TEDC1: variants seen among roughly 807,000 people sequenced by gnomAD.
TEDC1 encodes the protein tubulin epsilon and delta complex protein 1.
TEDC1 carries 54 observed loss-of-function variants against 59.9 expected under a neutral mutation model. That is an observed-to-expected ratio of 0.90 (90% CI 0.72 to 1.13). The LOEUF is 1.13. Ranked by LOEUF, TEDC1 falls within the 50% of genes most tolerant of loss-of-function variation. The probability of loss-of-function intolerance (pLI) is 0.00; values close to 1 mark genes in which losing one functional copy is unlikely to be tolerated. For synonymous variants in TEDC1, 353 were observed against 298.1 expected (o/e 1.18, Z -1.90); for missense variants, 734 against 683.4 (o/e 1.07, Z -0.83).
Position 105,497,869 on chromosome 14 carries a change from C to T in TEDC1, c.1050C>T (p.Val350=). The T allele has an allele frequency of 6.4e-7, 1 of 1,564,056 alleles. No individual in the cohort carries two copies. The highest frequency in any genetic ancestry group is 1.4e-5 in the African/African-American group (1 of 74,052). The change falls in exon 8 of 9, where the codon GTC becomes GTT. Residue 350 remains valine, a synonymous_variant. Coordinates refer to ENST00000392523, the MANE Select transcript of TEDC1 (RefSeq NM_001367178.1). ...CACAGCCCACCTTCCTGCCCTGGGT[C>T]CCCGAGCGCGGGGGTGGCGAGTTGG... The part of the protein sequence containing the change: ...AASQPTFLPW[V]PERGGGELDL...
intron 6 of TEDC1, chr14:105,496,943 T>A: frequency 4.1e-6 from 1 of 244,434 alleles, no homozygotes; most frequent in East Asian, 1.4e-4. Context: ...CCGCCTGCAG[T>A]CCCCGGATAC....
chr14:105,497,298 G>A, intron 6 of TEDC1, 59 bp from the exon 7 acceptor site: 2 of 1,497,346 alleles, frequency 1.3e-6, no homozygotes, highest in South Asian at 1.2e-5. Flanking sequence ...CTGTCCATCC[G>A]ACTGTCTGTC....
chr14:105,493,245 G>A (rs2084258306), intron 4 of TEDC1, among the ~76,000 whole-genome samples: 1 of 152,086 alleles, frequency 6.6e-6, no homozygotes, highest in Admixed American at 6.5e-5. Flanking sequence ...GTCTGTGGCA[G>A]CGGCGGGCTC....
chr14:105,498,312 T>C (rs1221823400), intron 8 of TEDC1, among the ~76,000 whole-genome samples: 1 of 152,176 alleles, frequency 6.6e-6, no homozygotes, highest in Non-Finnish European at 1.5e-5. Context: ...CTGGGACCCG[T>C]CTAACCTCCT....
chr14:105,496,634 C>G (rs1555440497), intron 6 of TEDC1: 1 of 163,758 alleles, frequency 6.1e-6, no homozygotes, highest in African/African-American at 2.4e-5. Flanking sequence ...ATGAGCGAAC[C>G]TGGGAGGCCT....
At chr14:105,497,473 C>T (rs1555440683) in intron 7 of TEDC1, 30 bp downstream of exon 7, 7 of 1,537,508 alleles carry the variant, frequency 4.6e-6, no homozygotes, top group African/African-American at 1.4e-5. Context: ...CCTCTCCCGG[C>T]ATCCCTTCCC....
Position 105,491,496 on chromosome 14 carries a change from C to T in TEDC1, c.121C>T (p.Arg41Cys), listed in dbSNP as rs1555439254. The part of the protein sequence containing the change: ...PSGPSPEIFR[R>C]AKFDRPEATS... The stretch of plus-strand genomic sequence containing the variant: ...GGGACCCAGCCCCGAGATCTTCCGC[C>T]GCGCCAAGTTCGACCGTCCGGAGGC... The change falls in exon 1 of 9, where the codon CGC becomes TGC. Residue 41 changes from arginine to cysteine, a missense_variant. Physicochemically the swap from Arg to Cys is radical, Grantham distance 180 (BLOSUM62 -3). Transcript: ENST00000392523. The T allele has an allele frequency of 6.7e-7, 1 of 1,492,638 alleles. No homozygotes were observed. Among genetic ancestry groups the T allele is most frequent in the Admixed American group, 2.2e-5 (1 of 46,326 alleles). 92.5% of individuals were successfully genotyped at this position (1,492,638 alleles called of 1,614,324 possible). A position where few individuals can be genotyped will look rare whatever the true frequency, so the allele number is the denominator to read the frequency against.
At position 105,491,453 on chromosome 14, in the gene TEDC1, G is replaced by C; in HGVS notation, c.78G>C (p.Leu26Phe). 6.8e-7 allele frequency: 1 copy of C among 1,459,906 alleles called. No individual in the cohort carries two copies. The highest frequency in any genetic ancestry group is 9.0e-7 in the Non-Finnish European group (1 of 1,110,034). 90.4% of individuals were successfully genotyped at this position (1,459,906 alleles called of 1,614,324 possible). The change falls in exon 1 of 9, where the codon TTG becomes TTC. Residue 26 changes from leucine (L) to phenylalanine (F), a missense_variant. Leu to Phe is a conservative substitution (Grantham distance 22). Coordinates refer to ENST00000392523, the MANE Select transcript of TEDC1 (RefSeq NM_001367178.1). Reference sequence around the variant, plus strand: ...CCCTGCCTGAGGCCATCGCCGCGTTGAGTCGGTCGCTGCCCTCGGGACCCA... The same window carrying C: ...CCCTGCCTGAGGCCATCGCCGCGTTCAGTCGGTCGCTGCCCTCGGGACCCA... ...AGALPEAIAALSRSLPSGPSP... is the reference protein window; with the variant it reads ...AGALPEAIAAFSRSLPSGPSP...
At chr14:105,494,849 G>T (rs587688334) in intron 5 of TEDC1, 2 of 146,120 alleles carry the variant, frequency 1.4e-5, no homozygotes, top group African/African-American at 4.9e-5. Flanking sequence ...ATAGGGCAGG[G>T]CTGGCTGCCA....
rs1555441051 is a variant in TEDC1, at chr14:105,498,771, A to G, written c.1313A>G (p.Asp438Gly). The change falls in exon 9 of 9, where the codon GAT becomes GGT. Residue 438 changes from aspartate (D) to glycine (G), a missense_variant. By Grantham distance (94) the Asp-to-Gly change is moderately conservative (BLOSUM62 -1). Transcript: ENST00000392523. ...HGPHRLVRRE[D>G]GAAGDRDLRA... ...CCACACCGGCTGGTGAGACGAGAGG[A>G]TGGGGCAGCAGGGGACCGGGACCTG... 1 of 1,569,156 alleles carries G rather than the reference A, an allele frequency of 6.4e-7. No homozygotes were observed. Among genetic ancestry groups the G allele is most frequent in the Admixed American group, 1.9e-5 (1 of 52,408 alleles).
chr14:105,491,650 G>A lies in TEDC1; in HGVS notation c.176G>A (p.Arg59His). The A allele has an allele frequency of 4.5e-6, 7 of 1,549,568 alleles. No homozygotes were observed. Among genetic ancestry groups the A allele is most frequent in the Admixed American group, 2.0e-5 (1 of 50,984 alleles). Residue 59 changes from arginine (R) to histidine (H), a missense_variant, in exon 2 of 9, where the codon CGT becomes CAT. Physicochemically the swap from Arg to His is conservative, Grantham distance 29 (BLOSUM62 0). Transcript: ENST00000392523. ...TCCGCGCTCTGGCAGCTCCTCTTCC[G>A]TGTGCTCTCGCCACTCCCTGCGGGC... ...ATSALWQLLF[R>H]VLSPLPAGNA...
upstream of TEDC1, chr14:105,489,957 C>G (rs2084172260): frequency 6.6e-6 from 1 of 152,452 alleles, no homozygotes; most frequent in African/African-American, 2.4e-5. Flanking sequence ...TCCCATCCCC[C>G]TGGCTCCCGC....
intron 5 of TEDC1, 25 bp downstream of exon 5, chr14:105,493,958 G>C (rs782563406): frequency 6.1e-6 from 5 of 819,284 alleles, no homozygotes; most frequent in Middle Eastern, 3.5e-4. Flanking sequence ...GCTGCTGCGG[G>C]GGGGTGGGGG....
intron 7 of TEDC1, 43 bp downstream of exon 7, chr14:105,497,486 A>G: frequency 3.9e-6 from 6 of 1,530,178 alleles, no homozygotes; most frequent in Non-Finnish European, 5.3e-6. Flanking sequence ...CCCTTCCCAC[A>G]GCAGCCCCCA....
intron 6 of TEDC1, chr14:105,496,873 AG>A (rs1237085333): frequency 4.8e-6 from 1 of 206,298 alleles, no homozygotes; most frequent in East Asian, 1.8e-4. Context: ...CTGAAGTTAC[AG>A]GGGATGGGTT....
chr14:105,495,008 C>G (rs1348998167), intron 5 of TEDC1: 1 of 152,298 alleles, frequency 6.6e-6, no homozygotes, highest in Admixed American at 6.5e-5. Context: ...GTAGCTGGGA[C>G]TACAGGCACC....
intron 7 of TEDC1, 99 bp downstream of exon 7, chr14:105,497,542 C>CT: frequency 7.1e-7 from 1 of 1,406,590 alleles, no homozygotes; most frequent in Admixed American, 2.3e-5. Flanking sequence ...GGAAGAGGGG[C>CT]TTTTAGGGAG....
rs1202894330 is a variant in TEDC1, at chr14:105,492,845, T to TGTGGGC, written c.585+112_585+117dup. 5 of 1,393,418 alleles carry TGTGGGC rather than the reference T, an allele frequency of 3.6e-6. No individual in the cohort carries two copies. The African/African-American group carries it at 5.8e-5, about 16-fold the overall frequency. 86.3% of individuals were successfully genotyped at this position (1,393,418 alleles called of 1,614,324 possible). ...GGCCTGGCACAGGCTTTTGGCTGGA[T>TGTGGGC]GTGGGCCTTCCTGCCCTGGCTTACC... is the stretch of plus-strand genomic sequence containing the variant. On this transcript the variant is annotated intron_variant, in intron 4 of 8. Transcript: ENST00000392523.
chr14:105,494,109 G>A (rs2084286830), intron 5 of TEDC1, 176 bp downstream of exon 5: 4 of 611,000 alleles, frequency 6.5e-6, no homozygotes, highest in South Asian at 5.8e-5. Flanking sequence ...GCTTCTCTGG[G>A]CCTCTCCTAG....
Sources: gnomAD v4.1 joint callset for allele counts (sites outside exome capture counted in the v4.1 genomes callset) on GRCh38, gnomAD v4.1.1 for gene constraint, MANE v1.5 for transcripts, NCBI Gene and HGNC (gene_info 2026-07-23, HGNC 2026-07-21) for gene names.